Variants in CACNA1B observed in about 807,000 individuals in gnomAD.
CACNA1B encodes the protein calcium voltage-gated channel subunit alpha1 B.
In CACNA1B, 70 loss-of-function variants were observed where a neutral mutation model predicts 247.2. The ratio of observed to expected loss-of-function variants is 0.28; its 90% CI spans 0.23 to 0.35. The LOEUF (loss-of-function observed/expected upper bound fraction) is 0.35, where lower values mean the gene tolerates loss of function less well. CACNA1B is among the 10% of genes least tolerant of loss of function. The pLI is 1.00. For missense variants in CACNA1B, 2,367 were observed against 3,197.4 expected (o/e 0.74, Z 6.26); for synonymous variants, 1,231 against 1,294.4 (o/e 0.95, Z 1.05).
At chr9:137,994,345 A>G (rs1482686940) in intron 15 of CACNA1B, among the ~76,000 whole-genome samples, 2 of 152,242 alleles carry the variant, frequency 1.3e-5, no homozygotes, top group East Asian at 3.8e-4. Context: ...AGTCCTAACC[A>G]GAGCAATCAG....
chr9:137,892,704 A>C (rs958901405), intron 3 of CACNA1B: 3 of 299,886 alleles, frequency 1.0e-5, no homozygotes, highest in South Asian at 3.0e-5. Context: ...CCTGAGCACC[A>C]CCTCCTGCTC....
rs764992091 is a variant in CACNA1B, at chr9:137,899,609, C to T, written c.531-13571C>T. On this transcript the variant is annotated intron_variant, in intron 3 of 46. Coordinates refer to ENST00000371372, the MANE Select transcript of CACNA1B (RefSeq NM_000718.4). This position sits in a 1 kb window ranked among gnomAD's most constrained non-coding sequence, Gnocchi z 5.0. ...AGAGCAGGGACTGGGGTGGGGAGGC[C>T]GAGGGGATGCTGTGGCGTCTTTGGC... is the stretch of plus-strand genomic sequence containing the variant. Among the ~76,000 whole-genome samples, 7 of 152,122 alleles carry T rather than the reference C, an allele frequency of 4.6e-5. No individual in the cohort carries two copies. The highest frequency in any genetic ancestry group is 2.1e-4 in the South Asian group (1 of 4,834).
chr9:137,990,055 G>T lies in CACNA1B; in HGVS notation c.1974+3201G>T, dbSNP rs77250765. 2.0e-5 allele frequency among the ~76,000 whole-genome samples: 3 copies of T among 152,226 alleles called. No individual in the cohort carries two copies. The highest frequency in any genetic ancestry group is 4.4e-5 in the Non-Finnish European group (3 of 68,014). ...ACGGGAAGTTCTTGGAACTACCACA[G>T]GCAAGTTCTCAGCCCTGGGCACTGG... On this transcript the variant is annotated intron_variant, in intron 15 of 46. Coordinates refer to ENST00000371372, the MANE Select transcript of CACNA1B (RefSeq NM_000718.4). The surrounding 1 kb of genome is among the most constrained non-coding windows in gnomAD (Gnocchi z 4.5).
chr9:137,993,259 G>T (rs557597275), intron 15 of CACNA1B, among the ~76,000 whole-genome samples: 17 of 151,884 alleles, frequency 1.1e-4, no homozygotes, highest in African/African-American at 3.9e-4. Context: ...GTTCTTTTTA[G>T]ATAAATAAAA....
In CACNA1B at chr9:138,120,647, G is replaced by T; in HGVS notation, c.6255G>T (p.Val2085=). The part of the protein sequence containing the change: ...ADMDGAPSSA[V]GPGLPPGEGP... Reference sequence around the variant, plus strand: ...CCTGGCCAGCACCAAGCAGTGCTGTGGGGCCGGGGCTGCCCCCGGGAGAGG... The same window carrying T: ...CCTGGCCAGCACCAAGCAGTGCTGTTGGGCCGGGGCTGCCCCCGGGAGAGG... The change falls in exon 46 of 47, where the codon GTG becomes GTT. Residue 2085 remains valine (V), a synonymous_variant. Coordinates refer to ENST00000371372, the MANE Select transcript of CACNA1B (RefSeq NM_000718.4). The T allele has an allele frequency of 6.7e-7, 1 of 1,502,990 alleles. No individual in the cohort carries two copies. The highest frequency in any genetic ancestry group is 2.4e-5 in the East Asian group (1 of 41,408). The allele number at this position is 1,502,990 out of a possible 1,614,324, so 93.1% of individuals were successfully genotyped here.
At chr9:138,108,028 CAAA>C (rs781314090) in intron 39 of CACNA1B, among the ~76,000 whole-genome samples, 17 of 88,576 alleles carry the variant, frequency 1.9e-4, no homozygotes, top group Non-Finnish European at 1.7e-4. Flanking sequence ...CACCAGAGGA[CAAA>C]AAAAAAAAAA....
chr9:138,024,167 G>A (rs563694462), intron 19 of CACNA1B, among the ~76,000 whole-genome samples: 5 of 152,312 alleles, frequency 3.3e-5, no homozygotes, highest in African/African-American at 1.2e-4. Context: ...AGAAAGTTGG[G>A]GATTGCAGTG....
At position 138,102,170 on chromosome 9, in the gene CACNA1B, T is replaced by C. The variant is rs933264181; in HGVS notation, c.5223-541T>C. The stretch of plus-strand genomic sequence containing the variant: ...CTTCAGGGCTCCCTGTTTAGTTTTC[T>C]GGTTTGTTTCAGATCTTCTCCACCT... On this transcript the variant is annotated intron_variant, in intron 37 of 46. Transcript: ENST00000371372. The surrounding 1 kb of genome is among the most constrained non-coding windows in gnomAD (Gnocchi z 5.4). Among the ~76,000 whole-genome samples, 2 of 152,202 alleles carry C rather than the reference T, an allele frequency of 1.3e-5. No individual in the cohort carries two copies. Among genetic ancestry groups the C allele is most frequent in the African/African-American group, 2.4e-5 (1 of 41,448 alleles).
Position 138,102,183 on chromosome 9 carries a change from A to G in CACNA1B, c.5223-528A>G. Among the ~76,000 whole-genome samples the G allele has an allele frequency of 6.6e-6, 1 of 152,056 alleles. No individual in the cohort carries two copies. The highest frequency in any genetic ancestry group is 1.9e-4 in the East Asian group (1 of 5,160). ...TGTTTAGTTTTCTGGTTTGTTTCAG[A>G]TCTTCTCCACCTTTTTAGCCTCTAG... On this transcript the variant is annotated intron_variant, in intron 37 of 46. Coordinates refer to ENST00000371372, the MANE Select transcript of CACNA1B (RefSeq NM_000718.4). This position sits in a 1 kb window ranked among gnomAD's most constrained non-coding sequence, Gnocchi z 5.4.
intron 10 of CACNA1B, among the ~76,000 whole-genome samples, chr9:137,964,202 G>A (rs893850723): frequency 2.6e-5 from 4 of 152,178 alleles, no homozygotes; most frequent in East Asian, 1.9e-4. Flanking sequence ...ATTTTACTGG[G>A]GCTCTCTGCA....
chr9:138,078,985 G>T (rs528902962), intron 36 of CACNA1B, among the ~76,000 whole-genome samples: 116 of 152,294 alleles, frequency 7.6e-4, no homozygotes, highest in Middle Eastern at 3.4e-3. Context: ...CAGCAGAGAT[G>T]CCCAGCGACC....
At chr9:138,049,062 C>T in intron 23 of CACNA1B, 147 bp from the exon 24 acceptor site, 1 of 653,990 alleles carries the variant, frequency 1.5e-6, no homozygotes, top group Non-Finnish European at 2.8e-6. Context: ...ACCATGTTGC[C>T]CTGGCTGGTG....
intron 20 of CACNA1B, among the ~76,000 whole-genome samples, chr9:138,039,149 TCTC>T (rs988663394): frequency 2.0e-5 from 3 of 151,030 alleles, no homozygotes; most frequent in African/African-American, 7.3e-5. Context: ...TGAGCCAAGA[TCTC>T]GCCACTGCAC....
At position 137,899,838 on chromosome 9, in the gene CACNA1B, A is replaced by AC. The variant is rs752327450; in HGVS notation, c.531-13337dup. Among the ~76,000 whole-genome samples, 1 of 151,710 alleles carries AC rather than the reference A, an allele frequency of 6.6e-6. No homozygotes were observed. The highest frequency in any genetic ancestry group is 1.5e-5 in the Non-Finnish European group (1 of 67,932). Reference sequence around the variant, plus strand: ...CTGACCCACCTGCCCCGGCCCAGGGACCCCCGCACCTGTGCAGGATTTGTG... The same window carrying AC: ...CTGACCCACCTGCCCCGGCCCAGGGACCCCCCGCACCTGTGCAGGATTTGTG... On this transcript the variant is annotated intron_variant, in intron 3 of 46. Transcript: ENST00000371372. The surrounding 1 kb of genome is among the most constrained non-coding windows in gnomAD (Gnocchi z 5.0).
In CACNA1B at chr9:137,946,264, C is replaced by T. The variant is rs1170875093; in HGVS notation, c.967-6010C>T. Among the ~76,000 whole-genome samples, 2 of 152,084 alleles carry T rather than the reference C, an allele frequency of 1.3e-5. 1 individual carries two copies. Among genetic ancestry groups the T allele is most frequent in the African/African-American group, 4.8e-5 (2 of 41,424 alleles). On this transcript the variant is annotated intron_variant, in intron 6 of 46. Coordinates refer to ENST00000371372, the MANE Select transcript of CACNA1B (RefSeq NM_000718.4). ...CTAAGTGGGTTTCTTTTGTCCTTAG[C>T]CAGTCGAATAGATCAAGTAAGAGAA...
intron 3 of CACNA1B, among the ~76,000 whole-genome samples, chr9:137,903,526 C>A (rs1441117024): frequency 6.6e-6 from 1 of 152,122 alleles, no homozygotes; most frequent in Non-Finnish European, 1.5e-5. Flanking sequence ...GAAGCCAGTC[C>A]CGTTCTCCTT....
chr9:138,024,779 C>A (rs1443422248), intron 19 of CACNA1B, among the ~76,000 whole-genome samples, 176 bp from the exon 20 acceptor site: 1 of 152,176 alleles, frequency 6.6e-6, no homozygotes, highest in Non-Finnish European at 1.5e-5. Context: ...GGACTACATG[C>A]ACGTGTCACC....
At chr9:138,003,092 G>C (rs1285355701) in intron 15 of CACNA1B, among the ~76,000 whole-genome samples, 1 of 151,372 alleles carries the variant, frequency 6.6e-6, no homozygotes, top group East Asian at 2.0e-4. Context: ...CACTGTGCCT[G>C]GCCCAAATTT....
At chr9:138,112,684 C>G (rs1961683398) in intron 40 of CACNA1B, among the ~76,000 whole-genome samples, 179 bp downstream of exon 40, 1 of 152,208 alleles carries the variant, frequency 6.6e-6, no homozygotes, top group African/African-American at 2.4e-5. Context: ...GGCAGAGGAG[C>G]TGCAGAGATG....
Sources: gnomAD v4.1 joint callset for allele counts (sites outside exome capture counted in the v4.1 genomes callset) on GRCh38, gnomAD v4.1.1 for gene constraint, Gnocchi (gnomAD v3.1) non-coding constraint, MANE v1.5 for transcripts, NCBI Gene and HGNC (gene_info 2026-07-23, HGNC 2026-07-21) for gene names.